The following INPP5A variants were observed in gnomAD, a reference collection of about 807,000 sequenced individuals.
The protein encoded by INPP5A is 43 kDa inositol polyphosphate 5-phophatase.
In INPP5A, 14 loss-of-function variants were observed where a neutral mutation model predicts 65.2. The observed-to-expected ratio is 0.21, with a 90% CI of 0.14 to 0.34. INPP5A has a LOEUF of 0.34. Among genes scored for constraint, INPP5A ranks in the 10% least tolerant of loss-of-function variants. The pLI is 1.00. For missense variants in INPP5A, 431 were observed against 545.6 expected (o/e 0.79, Z 2.09); for synonymous variants, 207 against 208.3 (o/e 0.99, Z 0.05).
chr10:132,643,358 A>G (rs1320304451), intron 2 of INPP5A, among the ~76,000 whole-genome samples: 2 of 152,136 alleles, frequency 1.3e-5, no homozygotes, highest in African/African-American at 4.8e-5. Context: ...TTTTGAGGCC[A>G]GATGTGGGGA....
intron 1 of INPP5A, among the ~76,000 whole-genome samples, chr10:132,590,614 A>G (rs2071608024): frequency 6.6e-6 from 1 of 152,172 alleles, no homozygotes; most frequent in African/African-American, 2.4e-5. Flanking sequence ...CAGTGATCTC[A>G]AGCGTCGCGT....
chr10:132,669,549 C>T (rs1053819620), intron 4 of INPP5A, among the ~76,000 whole-genome samples: 3 of 152,176 alleles, frequency 2.0e-5, no homozygotes, highest in South Asian at 2.1e-4. Context: ...CCTGGGGGAC[C>T]GTCGGTGACA....
intron 1 of INPP5A, among the ~76,000 whole-genome samples, chr10:132,585,545 G>A (rs1486223281): frequency 6.6e-6 from 1 of 152,166 alleles, no homozygotes; most frequent in Non-Finnish European, 1.5e-5. Flanking sequence ...TGCCGTTACA[G>A]GCGTCCACTG....
At chr10:132,601,286 C>G (rs2071774125) in intron 1 of INPP5A, among the ~76,000 whole-genome samples, 1 of 152,192 alleles carries the variant, frequency 6.6e-6, no homozygotes, top group Non-Finnish European at 1.5e-5. Context: ...TGCACGTTGA[C>G]CATTTCATAT....
At chr10:132,632,994 T>C (rs1334825185) in intron 2 of INPP5A, among the ~76,000 whole-genome samples, 1 of 152,184 alleles carries the variant, frequency 6.6e-6, no homozygotes, top group Non-Finnish European at 1.5e-5. Context: ...TATTGAGAGC[T>C]TTCGAGCACA....
At chr10:132,694,662 GA>G in intron 5 of INPP5A, among the ~76,000 whole-genome samples, 1 of 152,090 alleles carries the variant, frequency 6.6e-6, no homozygotes, top group Non-Finnish European at 1.5e-5. Context: ...GCCAGACTAA[GA>G]AAAAGAGAGA....
intron 4 of INPP5A, among the ~76,000 whole-genome samples, chr10:132,652,586 C>T (rs1481756552): frequency 6.6e-6 from 1 of 152,242 alleles, no homozygotes; most frequent in Non-Finnish European, 1.5e-5. Context: ...CTCTGCTCCC[C>T]GTCTCTGCGT....
intron 9 of INPP5A, among the ~76,000 whole-genome samples, chr10:132,735,366 C>A (rs189291232): frequency 6.6e-6 from 1 of 152,350 alleles, no homozygotes; most frequent in Non-Finnish European, 1.5e-5. Flanking sequence ...TCGTGCATAG[C>A]CAGAGCGCAT....
rs1405242156 is a variant in INPP5A, at chr10:132,727,981, T to C, written c.732+1076T>C. Among the ~76,000 whole-genome samples the C allele has an allele frequency of 6.6e-6, 1 of 152,166 alleles. No homozygotes were observed. The highest frequency in any genetic ancestry group is 1.5e-5 in the Non-Finnish European group (1 of 68,026). On this transcript the variant is annotated intron_variant, in intron 9 of 15. Coordinates refer to ENST00000368594, the MANE Select transcript of INPP5A (RefSeq NM_005539.5). The surrounding 1 kb of genome is among the most constrained non-coding windows in gnomAD (Gnocchi z 6.5). ...TTCATCTTCCAACGGTGGCAGGACA[T>C]TGTTTCTGAAAGACAGACTGAGCTG...
In INPP5A at chr10:132,700,255, G is replaced by T. The variant is rs541614741; in HGVS notation, c.474+2336G>T. On this transcript the variant is annotated intron_variant, in intron 6 of 15. Coordinates refer to ENST00000368594, the MANE Select transcript of INPP5A (RefSeq NM_005539.5). ...TTTGTGTGGACCCGTCTCTCCCCTG[G>T]GAAAGCAGCGTGTCGCTGTCTGCGG... Among the ~76,000 whole-genome samples the T allele has an allele frequency of 4.6e-5, 7 of 152,364 alleles. No homozygotes were observed. In the East Asian group the frequency reaches 1.2e-3, roughly 25 times the overall value.
In INPP5A at chr10:132,762,547, C is replaced by A. The variant is rs923948600; in HGVS notation, c.904-3226C>A. Among the ~76,000 whole-genome samples the A allele has an allele frequency of 3.3e-5, 5 of 152,110 alleles. No homozygotes were observed. In the South Asian group the frequency reaches 1.0e-3, roughly 32 times the overall value. ...TGGCCACCATAAAGACAGTACCTGG[C>A]GATGGAGAGACACAGCCCCACCAGC... On this transcript the variant is annotated intron_variant, in intron 11 of 15. Transcript: ENST00000368594. This position sits in a 1 kb window ranked among gnomAD's most constrained non-coding sequence, Gnocchi z 4.6.
intron 9 of INPP5A, among the ~76,000 whole-genome samples, chr10:132,730,592 C>T (rs754092658): frequency 7.2e-5 from 11 of 152,202 alleles, no homozygotes; most frequent in Non-Finnish European, 1.5e-4. Context: ...GCCTGGCCAT[C>T]GAAGCGTCAG....
chr10:132,636,394 A>T (rs1472232456), intron 2 of INPP5A, among the ~76,000 whole-genome samples: 38 of 152,354 alleles, frequency 2.5e-4, no homozygotes, highest in Non-Finnish European at 4.4e-5. Flanking sequence ...AGTGGTGGTT[A>T]CACTGAAAGC....
At chr10:132,554,008 A>G (rs937362082) in intron 1 of INPP5A, among the ~76,000 whole-genome samples, 1 of 150,190 alleles carries the variant, frequency 6.7e-6, no homozygotes, top group Non-Finnish European at 1.5e-5. Flanking sequence ...ATAGGGAGAG[A>G]GGATTGGTGA....
rs1263488291 is a variant in INPP5A, at chr10:132,704,799, A to G, written c.475-3514A>G. ...CCTCTGGAGTGTGGAGGATGGAGGA[A>G]GGGCGTCTGGACAGGCGGCAGGCAG... On this transcript the variant is annotated intron_variant, in intron 6 of 15. Transcript: ENST00000368594. This position sits in a 1 kb window ranked among gnomAD's most constrained non-coding sequence, Gnocchi z 4.5. Among the ~76,000 whole-genome samples, 2 of 150,960 alleles carry G rather than the reference A, an allele frequency of 1.3e-5. No individual in the cohort carries two copies. Among genetic ancestry groups the G allele is most frequent in the African/African-American group, 4.9e-5 (2 of 40,830 alleles).
intron 2 of INPP5A, among the ~76,000 whole-genome samples, chr10:132,620,078 C>T (rs1228567712): frequency 1.3e-5 from 2 of 152,226 alleles, no homozygotes; most frequent in African/African-American, 4.8e-5. Flanking sequence ...ATGTGGGGAG[C>T]ACTGACCTGA....
intron 5 of INPP5A, among the ~76,000 whole-genome samples, chr10:132,695,382 C>T (rs1377142113): frequency 6.6e-6 from 1 of 152,178 alleles, no homozygotes; most frequent in African/African-American, 2.4e-5. Context: ...AAAAATCCTA[C>T]AATGAATACC....
At position 132,705,823 on chromosome 10, in the gene INPP5A, C is replaced by T. The variant is rs1379721934; in HGVS notation, c.475-2490C>T. Among the ~76,000 whole-genome samples the T allele has an allele frequency of 6.6e-6, 1 of 152,040 alleles. No individual in the cohort carries two copies. The highest frequency in any genetic ancestry group is 2.4e-5 in the African/African-American group (1 of 41,374). ...CTTTTACAATGCTGGGTGGGGTGGC[C>T]ATGGAACTGCACAGGTGAGGAGGGG... is the stretch of plus-strand genomic sequence containing the variant. On this transcript the variant is annotated intron_variant, in intron 6 of 15. Coordinates refer to ENST00000368594, the MANE Select transcript of INPP5A (RefSeq NM_005539.5). The surrounding 1 kb of genome is among the most constrained non-coding windows in gnomAD (Gnocchi z 4.9).
In INPP5A at chr10:132,651,738, G is replaced by A. The variant is rs1403091890; in HGVS notation, c.306+1233G>A. 4.6e-5 allele frequency among the ~76,000 whole-genome samples: 7 copies of A among 152,198 alleles called. No individual in the cohort carries two copies. The highest frequency in any genetic ancestry group is 6.5e-5 in the Admixed American group (1 of 15,288). ...ACTCTCATTGCTGTTTGGGTTCAAG[G>A]GCCATCTCACTTGTTTGGGCATCCA... is the stretch of plus-strand genomic sequence containing the variant. On this transcript the variant is annotated intron_variant, in intron 4 of 15. Transcript: ENST00000368594. This position sits in a 1 kb window ranked among gnomAD's most constrained non-coding sequence, Gnocchi z 5.0.
Sources: allele counts gnomAD v4.1 joint callset (sites outside exome capture counted in the v4.1 genomes callset), GRCh38; gene constraint gnomAD v4.1.1; non-coding constraint Gnocchi (gnomAD v3.1); transcripts MANE v1.5; gene names NCBI Gene and HGNC (gene_info 2026-07-23, HGNC 2026-07-21).